Variants in CFAP20DC observed in about 807,000 individuals in gnomAD.
CFAP20DC encodes protein CFAP20DC.
Under a neutral mutation model 101.7 loss-of-function variants are expected in CFAP20DC, and 84 were observed. The ratio of observed to expected loss-of-function variants is 0.83; its 90% CI spans 0.69 to 0.99. CFAP20DC has a LOEUF of 0.99. Among genes scored for constraint, CFAP20DC ranks in the 50% least tolerant of loss-of-function variants. CFAP20DC has a pLI of 0.00. For missense variants in CFAP20DC, 1,007 were observed against 970.3 expected, an observed-to-expected ratio of 1.04 and a Z score of -0.50; for synonymous variants, 359 against 351.2, an observed-to-expected ratio of 1.02 and a Z score of -0.25.
chr3:59,021,347 C>G lies in CFAP20DC; in HGVS notation c.278+18210G>C, dbSNP rs76638188. 2.4e-4 allele frequency among the ~76,000 whole-genome samples: 37 copies of G among 152,104 alleles called. No individual in the cohort carries two copies. In the South Asian group the frequency reaches 4.6e-3, roughly 19 times the overall value. On this transcript the variant is annotated intron_variant, in intron 4 of 16. Transcript: ENST00000482387. ...GACTACAACGAAAAATTTCAGCAAC[C>G]ATTTACCCATGAATGCCAGTAGAGG...
intron 14 of CFAP20DC, among the ~76,000 whole-genome samples, chr3:58,817,900 G>A (rs1481937199): frequency 1.3e-5 from 2 of 150,666 alleles, no homozygotes; most frequent in Non-Finnish European, 3.0e-5. Flanking sequence ...GAAAGGTCGG[G>A]TTACCCTCAA....
At chr3:58,734,355 T>C in intron 3 of CFAP20DC, 1 of 334,746 alleles carries the variant, frequency 3.0e-6, no homozygotes, top group South Asian at 2.4e-5. Flanking sequence ...ATATATACTT[T>C]CAGGAATGAT....
At chr3:58,821,551 T>G (rs1193713508) in intron 14 of CFAP20DC, among the ~76,000 whole-genome samples, 1 of 150,182 alleles carries the variant, frequency 6.7e-6, no homozygotes, top group African/African-American at 2.4e-5. Flanking sequence ...AAAATGCTCA[T>G]CATCACTGGC....
intron 15 of CFAP20DC, among the ~76,000 whole-genome samples, chr3:58,798,864 G>GT (rs200017809): frequency 0.015 from 2,357 of 152,264 alleles, 24 homozygotes; most frequent in Middle Eastern, 0.02. Flanking sequence ...ATTGTTAGCA[G>GT]TTTTTTAGCA....
intron 15 of CFAP20DC, among the ~76,000 whole-genome samples, chr3:58,755,932 G>A (rs1052784814): frequency 6.6e-6 from 1 of 151,906 alleles, no homozygotes; most frequent in Non-Finnish European, 1.5e-5. Context: ...ATTTTTAAAT[G>A]GTTAAAAAAA....
At chr3:58,919,576 T>C (rs1237678249) in intron 5 of CFAP20DC, among the ~76,000 whole-genome samples, 7 of 152,236 alleles carry the variant, frequency 4.6e-5, no homozygotes, top group African/African-American at 1.7e-4. Flanking sequence ...AGATTGAATC[T>C]ACGGATCAAT....
In CFAP20DC at chr3:59,027,400, A is replaced by C. The variant is rs1001263431; in HGVS notation, c.278+12157T>G. Among the ~76,000 whole-genome samples, 2 of 152,182 alleles carry C rather than the reference A, an allele frequency of 1.3e-5. 1 individual carries two copies. Among genetic ancestry groups the C allele is most frequent in the East Asian group, 3.8e-4 (2 of 5,196 alleles). On this transcript the variant is annotated intron_variant, in intron 4 of 16. Coordinates refer to ENST00000482387, the MANE Select transcript of CFAP20DC (RefSeq NM_001394063.1). ...TAGCAATAATATTCTCCATGACCCA[A>C]GGGCTAAGAATCCTAACCTCTCCAA...
Position 58,866,698 on chromosome 3 carries a change from G to A in CFAP20DC, c.1136-10C>T. ...TTTCCTGAAGAGCTACCTTTATTGA[G>A]ATAAATATTTTCCCTCTATTACTTC... is the stretch of plus-strand genomic sequence containing the variant. On this transcript the variant is annotated splice_polypyrimidine_tract_variant and intron_variant, in intron 10 of 16. Coordinates refer to ENST00000482387, the MANE Select transcript of CFAP20DC (RefSeq NM_001394063.1). 1 of 1,510,776 alleles carries A rather than the reference G, an allele frequency of 6.6e-7. No individual in the cohort carries two copies. The allele number at this position is 1,510,776 out of a possible 1,614,324, so 93.6% of individuals were successfully genotyped here.
At chr3:58,985,684 C>A (rs960944762) in intron 4 of CFAP20DC, among the ~76,000 whole-genome samples, 2 of 152,104 alleles carry the variant, frequency 1.3e-5, no homozygotes, top group Admixed American at 1.3e-4. Flanking sequence ...TTCTATGAAA[C>A]CCGTTAGCAA....
intron 15 of CFAP20DC, among the ~76,000 whole-genome samples, chr3:58,793,040 G>T (rs1165903374): frequency 6.6e-6 from 1 of 152,102 alleles, no homozygotes; most frequent in Admixed American, 6.6e-5. Flanking sequence ...TATTTTAATA[G>T]AGAATGGCCC....
At chr3:58,989,194 T>C (rs934562303) in intron 4 of CFAP20DC, among the ~76,000 whole-genome samples, 1 of 152,126 alleles carries the variant, frequency 6.6e-6, no homozygotes, top group Admixed American at 6.5e-5. Flanking sequence ...AAATTAGGAC[T>C]AGTTGAAAAA....
chr3:58,936,172 A>C (rs576761946), intron 5 of CFAP20DC, among the ~76,000 whole-genome samples: 1 of 152,322 alleles, frequency 6.6e-6, no homozygotes, highest in Non-Finnish European at 1.5e-5. Context: ...CACATGAAAA[A>C]ATGCTCATCA....
At chr3:58,817,164 A>G (rs1458378589) in intron 14 of CFAP20DC, among the ~76,000 whole-genome samples, 1 of 151,806 alleles carries the variant, frequency 6.6e-6, no homozygotes, top group African/African-American at 2.4e-5. Context: ...AAAGACCAAA[A>G]GTAGATAAAA....
chr3:58,742,580 G>A lies in CFAP20DC; in HGVS notation c.2333-8C>T. 2 of 1,592,902 alleles carry A rather than the reference G, an allele frequency of 1.3e-6. No individual in the cohort carries two copies. Among genetic ancestry groups the A allele is most frequent in the South Asian group, 1.1e-5 (1 of 87,478 alleles). On this transcript the variant is annotated splice_region_variant and splice_polypyrimidine_tract_variant and intron_variant, in intron 16 of 16. Coordinates refer to ENST00000482387, the MANE Select transcript of CFAP20DC (RefSeq NM_001394063.1). ...CACTGAGGTCTTCTTCACCTGTGGGGAAGGGGAACCACAGACACATTAGCT... is the reference window on the plus strand; with the variant it reads ...CACTGAGGTCTTCTTCACCTGTGGGAAAGGGGAACCACAGACACATTAGCT...
chr3:59,008,634 C>T (rs2093498940), intron 4 of CFAP20DC, among the ~76,000 whole-genome samples: 1 of 151,924 alleles, frequency 6.6e-6, no homozygotes. Flanking sequence ...ACAGCATGTT[C>T]TCACTCATAG....
Position 58,979,707 on chromosome 3 carries a change from T to C in CFAP20DC, c.279-41945A>G, listed in dbSNP as rs77381213. On this transcript the variant is annotated intron_variant, in intron 4 of 16. Coordinates refer to ENST00000482387, the MANE Select transcript of CFAP20DC (RefSeq NM_001394063.1). ...ACTACGAACTGGCTGAATTTAGCAC[T>C]TGCCAAAGGATTGCTTGAAATGCCT... Among the ~76,000 whole-genome samples the C allele has an allele frequency of 4.2e-3, 646 of 152,318 alleles. 3 individuals carry two copies. Among genetic ancestry groups the C allele is most frequent in the African/African-American group, 0.015 (622 of 41,576 alleles).
At chr3:59,034,982 A>G (rs907699596) in intron 4 of CFAP20DC, among the ~76,000 whole-genome samples, 8 of 152,362 alleles carry the variant, frequency 5.3e-5, no homozygotes, top group Admixed American at 5.2e-4. Flanking sequence ...AATGGAAATC[A>G]TAACACAGTC....
rs139589305 is a variant in CFAP20DC at position 58,954,704 on chromosome 3, C to G, written c.279-16942G>C. 4.7e-3 allele frequency among the ~76,000 whole-genome samples: 716 copies of G among 152,252 alleles called. 3 individuals carry two copies. The highest frequency in any genetic ancestry group is 0.017 in the African/African-American group (688 of 41,542). On this transcript the variant is annotated intron_variant, in intron 4 of 16. Transcript: ENST00000482387. Reference sequence around the variant, plus strand: ...TCCCTTCTGCTGAAGTTTAAATTCACTGAAGATTCTTCTGTCTTTAAAAGA... The same window carrying G: ...TCCCTTCTGCTGAAGTTTAAATTCAGTGAAGATTCTTCTGTCTTTAAAAGA...
chr3:58,866,879 C>A (rs374743220), intron 10 of CFAP20DC, among the ~76,000 whole-genome samples, 191 bp from the exon 11 acceptor site: 10 of 151,426 alleles, frequency 6.6e-5, no homozygotes, highest in African/African-American at 2.4e-4. Context: ...TAGAGGTTCA[C>A]CTTAAAATTC....
Sources: allele counts gnomAD v4.1 joint callset (sites outside exome capture counted in the v4.1 genomes callset), GRCh38; gene constraint gnomAD v4.1.1; transcripts MANE v1.5; gene names NCBI Gene and HGNC (gene_info 2026-07-23, HGNC 2026-07-21).